PTPRK: variants seen among roughly 807,000 people sequenced by gnomAD.
PTPRK encodes receptor-type tyrosine-protein phosphatase kappa.
Under a neutral mutation model 178.0 loss-of-function variants are expected in PTPRK, and 75 were observed. The ratio of observed to expected loss-of-function variants is 0.42; its 90% CI spans 0.35 to 0.51. PTPRK has a LOEUF of 0.51. Among genes scored for constraint, PTPRK ranks in the 20% least tolerant of loss-of-function variants. The pLI is 0.02. For synonymous variants in PTPRK, 637 were observed against 620.6 expected (o/e 1.03, Z -0.39); for missense variants, 1,441 against 1,797.8 (o/e 0.80, Z 3.59).
Position 128,342,740 on chromosome 6 carries a change from A to C in PTPRK, c.224-20430T>G, listed in dbSNP as rs926816355. 6.6e-5 allele frequency among the ~76,000 whole-genome samples: 10 copies of C among 152,182 alleles called. No individual in the cohort carries two copies. The South Asian group carries it at 1.7e-3, about 25-fold the overall frequency. On this transcript the variant is annotated intron_variant, in intron 2 of 29. Transcript: ENST00000368226. The stretch of plus-strand genomic sequence containing the variant: ...GAACAAAATTAAAATGGTAGAGCCA[A>C]GGGAAAAAGTATTATAAATTCAAAA...
intron 3 of PTPRK, among the ~76,000 whole-genome samples, chr6:128,295,874 G>C (rs1824257986): frequency 6.6e-6 from 1 of 152,060 alleles, no homozygotes; most frequent in African/African-American, 2.4e-5. Flanking sequence ...TGGCCAGTAG[G>C]CTACACTGTA....
chr6:128,426,835 T>C (rs897655885), intron 1 of PTPRK, among the ~76,000 whole-genome samples: 3 of 152,206 alleles, frequency 2.0e-5, no homozygotes, highest in Non-Finnish European at 4.4e-5. Context: ...ATGTTCCTAC[T>C]GCAAGTAAAA....
intron 27 of PTPRK, among the ~76,000 whole-genome samples, chr6:127,976,078 C>T (rs1774544875): frequency 6.6e-6 from 1 of 152,046 alleles, no homozygotes; most frequent in Non-Finnish European, 1.5e-5. Flanking sequence ...TACTTTGCTG[C>T]TGGGAAAAGG....
At chr6:128,085,190 T>A (rs1785539074) in intron 8 of PTPRK, 1 of 152,120 alleles carries the variant, frequency 6.6e-6, no homozygotes, top group African/African-American at 2.4e-5. Context: ...TTAGAAGATA[T>A]GTTCAAGCCA....
chr6:128,028,972 G>A (rs1454787146), intron 13 of PTPRK, among the ~76,000 whole-genome samples: 1 of 152,116 alleles, frequency 6.6e-6, no homozygotes, highest in Non-Finnish European at 1.5e-5. Context: ...GTGCTGGACT[G>A]CTTGTGACTT....
intron 1 of PTPRK, among the ~76,000 whole-genome samples, chr6:128,408,461 G>A (rs1048099369): frequency 2.6e-5 from 4 of 152,042 alleles, no homozygotes; most frequent in African/African-American, 9.7e-5. Context: ...TTCACTATTC[G>A]AGTAAGGGCA....
At chr6:128,043,274 T>C (rs1184328118) in intron 13 of PTPRK, among the ~76,000 whole-genome samples, 1 of 152,042 alleles carries the variant, frequency 6.6e-6, no homozygotes. Flanking sequence ...TGATTCTACA[T>C]GGACAGTGTG....
intron 1 of PTPRK, among the ~76,000 whole-genome samples, chr6:128,428,454 A>G (rs1844437892): frequency 6.6e-6 from 1 of 152,250 alleles, no homozygotes; most frequent in South Asian, 2.1e-4. Context: ...AGATCAGTAA[A>G]GACAACGAGA....
chr6:127,983,372 C>T lies in PTPRK; in HGVS notation c.3257G>A (p.Gly1086Asp), dbSNP rs760920964. Reference protein sequence around the residue: ...AGPIVVHCSAGAGRTGCYIVI... With the variant: ...AGPIVVHCSADAGRTGCYIVI... The stretch of plus-strand genomic sequence containing the variant: ...AATGTAGCAGCCAGTTCGTCCAGCA[C>T]CAGCACTGAAAAACAATTAAATTTA... The change falls in exon 23 of 30, where the codon GGT becomes GAT. Residue 1086 changes from glycine to aspartate, a missense_variant. By Grantham distance (94) the Gly-to-Asp change is moderately conservative (BLOSUM62 -1). Coordinates refer to ENST00000368226, the MANE Select transcript of PTPRK (RefSeq NM_002844.4). The T allele has an allele frequency of 6.2e-7, 1 of 1,612,274 alleles. No homozygotes were observed. Among genetic ancestry groups the T allele is most frequent in the African/African-American group, 1.3e-5 (1 of 74,800 alleles).
chr6:128,139,144 T>C (rs761514161), intron 7 of PTPRK, among the ~76,000 whole-genome samples: 25 of 151,834 alleles, frequency 1.6e-4, no homozygotes, highest in Non-Finnish European at 7.4e-5. Context: ...CAGAAAACAG[T>C]GGGAGGCAAA....
rs11438238 is a variant in PTPRK, at chr6:127,983,213, A to G, written c.3387+29T>C. 3.9e-6 allele frequency: 6 copies of G among 1,529,658 alleles called. No individual in the cohort carries two copies. The East Asian group carries it at 9.6e-5, about 25-fold the overall frequency. 94.8% of individuals were successfully genotyped at this position (1,529,658 alleles called of 1,614,324 possible). A position where few individuals can be genotyped will look rare whatever the true frequency, so the allele number is the denominator to read the frequency against. On this transcript the variant is annotated intron_variant, in intron 23 of 29. Transcript: ENST00000368226. ...TTTGCAAAAAAAATAAAAAATAAAA[A>G]AAAGTCCACTACAGGTAAATCTACA...
chr6:128,238,027 G>A (rs776214704), intron 5 of PTPRK: 9 of 451,244 alleles, frequency 2.0e-5, no homozygotes, highest in East Asian at 7.0e-5. Context: ...GAAGACTGAT[G>A]TAAGTGAATA....
At chr6:128,305,380 T>C (rs1460596141) in intron 3 of PTPRK, among the ~76,000 whole-genome samples, 1 of 152,186 alleles carries the variant, frequency 6.6e-6, no homozygotes, top group Non-Finnish European at 1.5e-5. Flanking sequence ...TCCATAAACA[T>C]ATCAGGCTTG....
At chr6:128,387,631 T>G (rs1400845296) in intron 2 of PTPRK, among the ~76,000 whole-genome samples, 1 of 152,184 alleles carries the variant, frequency 6.6e-6, no homozygotes, top group East Asian at 1.9e-4. Flanking sequence ...TGTATAACAC[T>G]TGACTCTTTC....
At chr6:128,209,747 T>C (rs567152809) in intron 6 of PTPRK, among the ~76,000 whole-genome samples, 8 of 152,220 alleles carry the variant, frequency 5.3e-5, no homozygotes, top group African/African-American at 1.4e-4. Context: ...AATGCAGTTA[T>C]ATTTTGAAGG....
intron 2 of PTPRK, among the ~76,000 whole-genome samples, chr6:128,333,234 T>C (rs2128326825): frequency 6.6e-6 from 1 of 152,254 alleles, no homozygotes; most frequent in East Asian, 1.9e-4. Flanking sequence ...ATGCTAACAA[T>C]TCCCACCTGT....
intron 5 of PTPRK, among the ~76,000 whole-genome samples, chr6:128,237,812 T>A (rs1346676421): frequency 1.3e-5 from 2 of 148,902 alleles, no homozygotes; most frequent in Non-Finnish European, 2.9e-5. Flanking sequence ...GGAACCAGAA[T>A]TCTTCCTGCT....
chr6:128,254,477 G>A (rs1273495739), intron 3 of PTPRK, among the ~76,000 whole-genome samples: 2 of 151,994 alleles, frequency 1.3e-5, no homozygotes, highest in Non-Finnish European at 2.9e-5. Flanking sequence ...AAAATAATGG[G>A]TGCAAACACA....
Position 128,082,427 on chromosome 6 carries a change from A to G in PTPRK, c.1777+10T>C. On this transcript the variant is annotated intron_variant, in intron 10 of 29. Transcript: ENST00000368226. ...AATCAATCCTATTTGTAATTTATTC[A>G]TTTGCATACCTGAGATATTGGTGGT... 1 of 1,584,928 alleles carries G rather than the reference A, an allele frequency of 6.3e-7. No individual in the cohort carries two copies. Among genetic ancestry groups the G allele is most frequent in the Non-Finnish European group, 8.7e-7 (1 of 1,153,502 alleles).
Sources: gnomAD v4.1 joint callset for allele counts (sites outside exome capture counted in the v4.1 genomes callset) on GRCh38, gnomAD v4.1.1 for gene constraint, MANE v1.5 for transcripts, NCBI Gene and HGNC (gene_info 2026-07-23, HGNC 2026-07-21) for gene names.